Variants in ROR2 observed in about 807,000 individuals in gnomAD.
ROR2 encodes ROR family WNT receptor 2.
Under a neutral mutation model 74.9 loss-of-function variants are expected in ROR2, and 33 were observed. The ratio of observed to expected loss-of-function variants is 0.44; its 90% CI spans 0.33 to 0.59. The LOEUF (loss-of-function observed/expected upper bound fraction) is 0.59. Among genes scored for constraint, ROR2 ranks in the 20% least tolerant of loss-of-function variants. ROR2 has a pLI of 0.02. For synonymous variants in ROR2, 586 were observed against 558.7 expected, an observed-to-expected ratio of 1.05 and a Z score of -0.69; for missense variants, 1,216 against 1,313.8, an observed-to-expected ratio of 0.93 and a Z score of 1.15.
chr9:91,730,818 G>A, intron 7 of ROR2, 92 bp downstream of exon 7: 1 of 1,563,062 alleles, frequency 6.4e-7, no homozygotes, highest in Non-Finnish European at 8.8e-7. Flanking sequence ...ACCGTACAGA[G>A]GCACACCCCA....
intron 1 of ROR2, among the ~76,000 whole-genome samples, chr9:91,813,202 G>A (rs948924863): frequency 3.3e-5 from 5 of 152,058 alleles, no homozygotes; most frequent in African/African-American, 1.2e-4. Context: ...ATCTCCTCCT[G>A]GCACAATGAC....
chr9:91,864,951 G>A (rs964832340), intron 1 of ROR2, among the ~76,000 whole-genome samples: 2 of 152,158 alleles, frequency 1.3e-5, no homozygotes, highest in Non-Finnish European at 2.9e-5. Flanking sequence ...TAGCGGACGG[G>A]CTTCTTCAAG....
chr9:91,853,562 C>T (rs2119268692), intron 1 of ROR2, among the ~76,000 whole-genome samples: 1 of 152,302 alleles, frequency 6.6e-6, no homozygotes, highest in Middle Eastern at 3.4e-3. Flanking sequence ...GGTGCAGGAC[C>T]CGCTCTGAAG....
chr9:91,782,334 C>T (rs760063267), intron 1 of ROR2, among the ~76,000 whole-genome samples: 1 of 151,484 alleles, frequency 6.6e-6, no homozygotes, highest in African/African-American at 2.4e-5. Flanking sequence ...CCCATGCATA[C>T]AAAAGGTTAC....
intron 1 of ROR2, among the ~76,000 whole-genome samples, chr9:91,819,714 T>A (rs950167692): frequency 6.6e-6 from 1 of 152,092 alleles, no homozygotes; most frequent in East Asian, 1.9e-4. Context: ...GTGTTCTGTG[T>A]GTGTCTTTTG....
At chr9:91,870,036 A>C (rs1187271354) in intron 1 of ROR2, among the ~76,000 whole-genome samples, 2 of 152,250 alleles carry the variant, frequency 1.3e-5, no homozygotes, top group African/African-American at 4.8e-5. Context: ...TGTTGAAAAC[A>C]ACATCAAATG....
intron 1 of ROR2, among the ~76,000 whole-genome samples, chr9:91,852,440 T>A (rs1829126022): frequency 6.6e-6 from 1 of 152,232 alleles, no homozygotes; most frequent in Non-Finnish European, 1.5e-5. Flanking sequence ...ACAGCAGCTA[T>A]GACTGCTGTA....
intron 1 of ROR2, among the ~76,000 whole-genome samples, chr9:91,930,108 T>C (rs931075213): frequency 6.6e-6 from 1 of 152,152 alleles, no homozygotes; most frequent in African/African-American, 2.4e-5. Flanking sequence ...AGCCACCATA[T>C]TTTTTAAAGC....
intron 8 of ROR2, among the ~76,000 whole-genome samples, chr9:91,725,841 G>A (rs1337540877): frequency 2.0e-5 from 3 of 152,182 alleles, no homozygotes; most frequent in Non-Finnish European, 4.4e-5. Context: ...TGCCCTCCTC[G>A]CTGGCCAGCC....
At chr9:91,738,142 A>G (rs966801787) in intron 4 of ROR2, among the ~76,000 whole-genome samples, 6 of 152,226 alleles carry the variant, frequency 3.9e-5, no homozygotes, top group Admixed American at 6.5e-5. Flanking sequence ...GCCCTAATGT[A>G]AACTACTGAT....
intron 1 of ROR2, chr9:91,949,004 G>T: frequency 2.2e-6 from 2 of 900,256 alleles, no homozygotes; most frequent in Non-Finnish European, 2.7e-6. Context: ...CTGCGCCCCG[G>T]ATCCAAGCAG....
At chr9:91,831,550 T>TG (rs1563987806) in intron 1 of ROR2, among the ~76,000 whole-genome samples, 1 of 151,932 alleles carries the variant, frequency 6.6e-6, no homozygotes, top group African/African-American at 2.4e-5. Context: ...CCGAGGTGGG[T>TG]GGATCACATA....
At chr9:91,725,202 C>A in intron 8 of ROR2, 95 bp from the exon 9 acceptor site, 1 of 1,595,468 alleles carries the variant, frequency 6.3e-7, no homozygotes, top group Middle Eastern at 1.7e-4. Context: ...CCCTGTGCGG[C>A]CACGACTAGG....
intron 1 of ROR2, among the ~76,000 whole-genome samples, chr9:91,841,162 A>T (rs1828770978): frequency 6.6e-6 from 1 of 152,220 alleles, no homozygotes; most frequent in Non-Finnish European, 1.5e-5. Flanking sequence ...TTACAAAGCA[A>T]AACAAAGCAC....
intron 1 of ROR2, among the ~76,000 whole-genome samples, chr9:91,900,498 TG>T (rs1029027796): frequency 2.0e-5 from 3 of 152,158 alleles, no homozygotes; most frequent in African/African-American, 7.2e-5. Flanking sequence ...GGCCTGCACG[TG>T]GGACCCGCAG....
At chr9:91,932,532 C>T (rs1358565367) in intron 1 of ROR2, among the ~76,000 whole-genome samples, 4 of 151,770 alleles carry the variant, frequency 2.6e-5, no homozygotes, top group Admixed American at 6.6e-5. Context: ...GGTGTGGTGG[C>T]GCATGCCTCT....
At chr9:91,749,347 G>A (rs1587683521) in intron 4 of ROR2, among the ~76,000 whole-genome samples, 1 of 152,164 alleles carries the variant, frequency 6.6e-6, no homozygotes, top group East Asian at 1.9e-4. Context: ...AGCCACTTTG[G>A]CTCCTGGTGG....
At chr9:91,760,329 G>T (rs1045916885) in intron 2 of ROR2, among the ~76,000 whole-genome samples, 12 of 152,158 alleles carry the variant, frequency 7.9e-5, no homozygotes, top group African/African-American at 2.7e-4. Context: ...AAGTACGTTT[G>T]GACATTAAGA....
At chr9:91,760,190 A>G (rs1190324452) in intron 2 of ROR2, among the ~76,000 whole-genome samples, 2 of 152,088 alleles carry the variant, frequency 1.3e-5, no homozygotes, top group Non-Finnish European at 2.9e-5. Flanking sequence ...TGTCCCCTCC[A>G]TGGAAGGTGT....
Sources: allele counts gnomAD v4.1 joint callset (sites outside exome capture counted in the v4.1 genomes callset), GRCh38; gene constraint gnomAD v4.1.1; transcripts MANE v1.5; gene names NCBI Gene and HGNC (gene_info 2026-07-23, HGNC 2026-07-21).